Variants in XKR4 observed in about 807,000 individuals in gnomAD.
XKR4 encodes the protein XK related 4, also known as XK-related protein 4.
In XKR4, 12 loss-of-function variants were observed where a neutral mutation model predicts 53.9. The ratio of observed to expected loss-of-function variants is 0.22; its 90% confidence interval spans 0.14 to 0.36. The LOEUF (loss-of-function observed/expected upper bound fraction) is 0.36. Among genes scored for constraint, XKR4 ranks in the 10% least tolerant of loss-of-function variants. The pLI is 1.00. For synonymous variants in XKR4, 354 were observed against 362.4 expected (o/e 0.98, Z 0.26); for missense variants, 799 against 859.5 (o/e 0.93, Z 0.88).
At chr8:55,224,299 A>G (rs577037117) in intron 1 of XKR4, among the ~76,000 whole-genome samples, 1 of 152,220 alleles carries the variant, frequency 6.6e-6, no homozygotes, top group Non-Finnish European at 1.5e-5. Context: ...TAGAATTAAG[A>G]ATATGGATAA....
intron 1 of XKR4, among the ~76,000 whole-genome samples, chr8:55,112,021 C>T (rs969810543): frequency 1.3e-5 from 2 of 152,168 alleles, no homozygotes; most frequent in Non-Finnish European, 2.9e-5. Context: ...TGAGAACTCC[C>T]TGGGGATAGG....
chr8:55,227,783 A>G (rs771865661), intron 1 of XKR4, among the ~76,000 whole-genome samples: 39 of 152,226 alleles, frequency 2.6e-4, no homozygotes, highest in Non-Finnish European at 5.3e-4. Context: ...GGGACATTCA[A>G]TGCAGCCCAG....
chr8:55,197,303 C>T lies in XKR4; in HGVS notation c.806+94009C>T, dbSNP rs1355629457. Among the ~76,000 whole-genome samples the T allele has an allele frequency of 2.0e-5, 3 of 152,178 alleles. No homozygotes were observed. The East Asian group carries it at 5.8e-4, about 29-fold the overall frequency. On this transcript the variant is annotated intron_variant, in intron 1 of 2. Coordinates refer to ENST00000327381, the MANE Select transcript of XKR4 (RefSeq NM_052898.2). ...CCACACACCTCTATATTAGGTGATA[C>T]ATTGCTGGTATATTAATACCATTTA...
At chr8:55,508,148 G>T (rs1806573627) in intron 2 of XKR4, among the ~76,000 whole-genome samples, 1 of 151,974 alleles carries the variant, frequency 6.6e-6, no homozygotes, top group South Asian at 2.1e-4. Context: ...GTGATGGCAT[G>T]AATTGAACTT....
In XKR4 at chr8:55,426,423, G is replaced by T. The variant is rs552612476; in HGVS notation, c.1006+68546G>T. Among the ~76,000 whole-genome samples, 539 of 151,996 alleles carry T rather than the reference G, an allele frequency of 3.5e-3. 1 individual carries two copies. Among genetic ancestry groups the T allele is most frequent in the Middle Eastern group, 0.01 (3 of 294 alleles). On this transcript the variant is annotated intron_variant, in intron 2 of 2. Transcript: ENST00000327381. Reference sequence around the variant, plus strand: ...TACACACACACACACTCAGAGGCTGGGTTTGGGTTTGGTGCCCTTACTGTA... The same window carrying T: ...TACACACACACACACTCAGAGGCTGTGTTTGGGTTTGGTGCCCTTACTGTA...
intron 2 of XKR4, among the ~76,000 whole-genome samples, chr8:55,364,729 T>A (rs1803951531): frequency 6.6e-6 from 1 of 152,122 alleles, no homozygotes; most frequent in South Asian, 2.1e-4. Context: ...GCCTCCCGAA[T>A]TCAATCAATT....
At chr8:55,256,366 T>C (rs62517057) in intron 1 of XKR4, among the ~76,000 whole-genome samples, 5,638 of 152,282 alleles carry the variant, frequency 0.037, 155 homozygotes, top group Middle Eastern at 0.068. Flanking sequence ...GGTGGCTGTA[T>C]GGAGAATGGA....
chr8:55,109,335 A>G (rs1816200852), intron 1 of XKR4, among the ~76,000 whole-genome samples: 1 of 152,220 alleles, frequency 6.6e-6, no homozygotes, highest in Admixed American at 6.5e-5. Flanking sequence ...CAAACATATT[A>G]GACTAACCTT....
Position 55,533,082 on chromosome 8 carries a change from C to T in XKR4, c.*8855C>T, listed in dbSNP as rs2129406859. The T allele has an allele frequency of 6.6e-6, 1 of 152,288 alleles. No homozygotes were observed. The highest frequency in any genetic ancestry group is 2.1e-4 in the South Asian group (1 of 4,822). 9.4% of individuals were successfully genotyped at this position (152,288 alleles called of 1,614,324 possible). A position where few individuals can be genotyped will look rare whatever the true frequency, so the allele number is the denominator to read the frequency against. Reference sequence around the variant, plus strand: ...TTCATCAAGAAGTTCCAAAACACTACTAAATGTGTTGAAAATATAGTTTGA... The same window carrying T: ...TTCATCAAGAAGTTCCAAAACACTATTAAATGTGTTGAAAATATAGTTTGA... On this transcript the variant is annotated 3_prime_UTR_variant, in exon 3 of 3. Transcript: ENST00000327381.
intron 1 of XKR4, among the ~76,000 whole-genome samples, chr8:55,331,866 T>C (rs1024318055): frequency 1.7e-4 from 26 of 152,132 alleles, no homozygotes; most frequent in African/African-American, 5.1e-4. Flanking sequence ...CAGCATGTAA[T>C]TGGGTGCTGG....
intron 2 of XKR4, among the ~76,000 whole-genome samples, chr8:55,396,761 T>C (rs1804524825): frequency 6.6e-6 from 1 of 152,206 alleles, no homozygotes; most frequent in Non-Finnish European, 1.5e-5. Flanking sequence ...GCCTTGTTTG[T>C]TTTTTAAAAT....
chr8:55,454,425 C>T (rs922143980), intron 2 of XKR4: 4 of 1,250,172 alleles, frequency 3.2e-6, no homozygotes, highest in Non-Finnish European at 4.6e-6. Context: ...CTGCAGGCAT[C>T]GGTGAGCTGC....
intron 2 of XKR4, among the ~76,000 whole-genome samples, chr8:55,435,582 A>T (rs2976001): frequency 0.59 from 82,910 of 140,148 alleles, 24,581 homozygotes; most frequent in African/African-American, 0.78. Flanking sequence ...ATTTTTTTTT[A>T]ATTTTGAGAT....
At chr8:55,354,490 T>C (rs1207300919) in intron 1 of XKR4, among the ~76,000 whole-genome samples, 2 of 152,152 alleles carry the variant, frequency 1.3e-5, no homozygotes, top group African/African-American at 4.8e-5. Flanking sequence ...CAGAGGCAGC[T>C]GATAGCAGAA....
intron 2 of XKR4, among the ~76,000 whole-genome samples, chr8:55,495,616 TC>T (rs578214785): frequency 1.3e-5 from 2 of 151,748 alleles, no homozygotes; most frequent in African/African-American, 4.8e-5. Context: ...ATTGTCTCCT[TC>T]CCCCCCAGGC....
chr8:55,270,420 A>G (rs1257552972), intron 1 of XKR4, among the ~76,000 whole-genome samples: 2 of 152,074 alleles, frequency 1.3e-5, no homozygotes. Flanking sequence ...CTCTCCCAGG[A>G]AGGGTTAGGA....
At chr8:55,243,541 G>A (rs1220084287) in intron 1 of XKR4, among the ~76,000 whole-genome samples, 1 of 152,192 alleles carries the variant, frequency 6.6e-6, no homozygotes, top group African/African-American at 2.4e-5. Flanking sequence ...CTGTGTACAA[G>A]TTTTTGTGTG....
At chr8:55,246,364 C>G (rs974817285) in intron 1 of XKR4, among the ~76,000 whole-genome samples, 2 of 152,282 alleles carry the variant, frequency 1.3e-5, no homozygotes, top group Middle Eastern at 3.4e-3. Flanking sequence ...AAGAGCTTAT[C>G]ACAAGGCAGT....
intron 2 of XKR4, among the ~76,000 whole-genome samples, chr8:55,466,040 G>C (rs1287583957): frequency 1.7e-4 from 26 of 152,114 alleles, no homozygotes; most frequent in Non-Finnish European, 1.2e-4. Flanking sequence ...CTGTTGGTGG[G>C]ACTGTAAACT....
Sources: gnomAD v4.1 joint callset for allele counts (sites outside exome capture counted in the v4.1 genomes callset) on GRCh38, gnomAD v4.1.1 for gene constraint, MANE v1.5 for transcripts, NCBI Gene and HGNC (gene_info 2026-07-23, HGNC 2026-07-21) for gene names.